WDR43: variants seen among roughly 807,000 people sequenced by gnomAD.
WDR43 encodes the protein WD repeat-containing protein 43.
A neutral mutation model predicts 91.4 loss-of-function variants in WDR43; 13 were observed. That is an observed-to-expected ratio of 0.14 (90% CI 0.09 to 0.23). The LOEUF (loss-of-function observed/expected upper bound fraction) is 0.23. WDR43 is among the 10% of genes least tolerant of loss of function. The pLI, the probability that WDR43 is intolerant of heterozygous loss-of-function variation, is 1.00. For missense variants in WDR43, 780 were observed against 809.4 expected (o/e 0.96, Z 0.44); for synonymous variants, 331 against 287.9 (o/e 1.15, Z -1.51).
Position 28,922,901 on chromosome 2 carries a change from G to C in WDR43, c.850-18G>C. On this transcript the variant is annotated intron_variant, in intron 6 of 17. Transcript: ENST00000407426. ...GTATGTTATCCATTATAATACGTTG[G>C]TTACATTTTTCTTTTAGCCTGTCAA... 6.2e-7 allele frequency: 1 copy of C among 1,605,750 alleles called. No homozygotes were observed. Among genetic ancestry groups the C allele is most frequent in the Non-Finnish European group, 8.5e-7 (1 of 1,176,582 alleles).
chr2:28,936,766 C>G (rs1671344025), intron 12 of WDR43, among the ~76,000 whole-genome samples, 156 bp from the exon 13 acceptor site: 1 of 152,136 alleles, frequency 6.6e-6, no homozygotes, highest in African/African-American at 2.4e-5. Context: ...GCTAATTACT[C>G]TGATTATGGG....
intron 15 of WDR43, among the ~76,000 whole-genome samples, 191 bp from the exon 16 acceptor site, chr2:28,942,121 A>G (rs1671448277): frequency 6.6e-6 from 1 of 152,192 alleles, no homozygotes; most frequent in African/African-American, 2.4e-5. Context: ...AGAGTTTTTC[A>G]GCTTTACAGA....
At chr2:28,907,773 G>A (rs111909819) in intron 3 of WDR43, among the ~76,000 whole-genome samples, 2 of 152,078 alleles carry the variant, frequency 1.3e-5, no homozygotes, top group African/African-American at 2.4e-5. Flanking sequence ...GCGTGGTGGC[G>A]GGCCTCTGTA....
At chr2:28,939,056 GTTT>G (rs5830096) in intron 14 of WDR43, among the ~76,000 whole-genome samples, 1 of 72,932 alleles carries the variant, frequency 1.4e-5, no homozygotes, top group Non-Finnish European at 3.6e-5. Context: ...GGTGAGAGGG[GTTT>G]TTGGGAGGTG....
chr2:28,915,901 TTTATC>T (rs750854182), intron 5 of WDR43, among the ~76,000 whole-genome samples: 1 of 152,220 alleles, frequency 6.6e-6, no homozygotes, highest in Non-Finnish European at 1.5e-5. Flanking sequence ...ACATTTATAA[TTTATC>T]AGATCAACTC....
Position 28,946,891 on chromosome 2 carries a change from A to G in WDR43, c.*112A>G. Reference sequence around the variant, plus strand: ...GACCGCTGCACATTTCCAAATTCACAGCAGTGGATCCCATGCCACTTTGCT... The same window carrying G: ...GACCGCTGCACATTTCCAAATTCACGGCAGTGGATCCCATGCCACTTTGCT... On this transcript the variant is annotated 3_prime_UTR_variant, in exon 18 of 18. Coordinates refer to ENST00000407426, the MANE Select transcript of WDR43 (RefSeq NM_015131.3). 1 of 1,266,512 alleles carries G rather than the reference A, an allele frequency of 7.9e-7. No individual in the cohort carries two copies. The highest frequency in any genetic ancestry group is 1.6e-5 in the South Asian group (1 of 62,706). The allele number at this position is 1,266,512 out of a possible 1,614,324, so 78.5% of individuals were successfully genotyped here. A position where few individuals can be genotyped will look rare whatever the true frequency, so the allele number is the denominator to read the frequency against.
chr2:28,907,612 C>CAA (rs112486794), intron 3 of WDR43, among the ~76,000 whole-genome samples: 2 of 132,592 alleles, frequency 1.5e-5, no homozygotes, highest in African/African-American at 2.8e-5. Flanking sequence ...GACGCTGTCT[C>CAA]AAAAAAAAAA....
chr2:28,918,101 G>A, intron 6 of WDR43, 106 bp downstream of exon 6: 1 of 939,070 alleles, frequency 1.1e-6, no homozygotes, highest in South Asian at 1.7e-5. Context: ...AGGACCTGAG[G>A]GAGTAACAAC....
intron 1 of WDR43, among the ~76,000 whole-genome samples, chr2:28,901,108 A>G (rs1005855111): frequency 5.3e-5 from 8 of 152,198 alleles, no homozygotes; most frequent in African/African-American, 1.9e-4. Flanking sequence ...TCTCTTTTCT[A>G]TGGTATTGGC....
intron 3 of WDR43, among the ~76,000 whole-genome samples, chr2:28,909,264 G>A (rs1572583781): frequency 6.6e-6 from 1 of 151,978 alleles, no homozygotes; most frequent in Non-Finnish European, 1.5e-5. Context: ...TCAGCTTCCC[G>A]AGTAGCTGGG....
At chr2:28,940,038 G>T (rs12465258) in intron 14 of WDR43, among the ~76,000 whole-genome samples, 38,192 of 150,212 alleles carry the variant, frequency 0.25, 6,037 homozygotes, top group East Asian at 0.77. Context: ...GTGAACCCGG[G>T]GGGGCAGAGG....
At chr2:28,918,111 C>A in intron 6 of WDR43, 116 bp downstream of exon 6, 2 of 812,114 alleles carry the variant, frequency 2.5e-6, no homozygotes, top group Non-Finnish European at 1.9e-6. Context: ...GGAGTAACAA[C>A]AAACTGTAAC....
rs537049493 is a variant in WDR43, at chr2:28,902,270, T to C, written c.363+146T>C. The stretch of plus-strand genomic sequence containing the variant: ...TCTCATCTACGTTTAAATAACTGAA[T>C]AGTAATATTTGATAAAAGCTATAAT... On this transcript the variant is annotated intron_variant, in intron 2 of 17. Transcript: ENST00000407426. 80 of 792,970 alleles carry C rather than the reference T, an allele frequency of 1.0e-4. 1 individual carries two copies. In the South Asian group the frequency reaches 2.4e-3, roughly 24 times the overall value. The allele number at this position is 792,970 out of a possible 1,614,324, so 49.1% of individuals were successfully genotyped here. A position where few individuals can be genotyped will look rare whatever the true frequency, so the allele number is the denominator to read the frequency against.
Position 28,941,443 on chromosome 2 carries a change from G to A in WDR43, c.1621-18G>A, listed in dbSNP as rs1558384759. ...CTCTAATACGTTAATAGTGCCAAAT[G>A]ATCATTTTTTTCTCTAGTTGCCTGA... On this transcript the variant is annotated intron_variant, in intron 14 of 17. Coordinates refer to ENST00000407426, the MANE Select transcript of WDR43 (RefSeq NM_015131.3). The A allele has an allele frequency of 1.3e-6, 2 of 1,590,432 alleles. No homozygotes were observed. The highest frequency in any genetic ancestry group is 3.4e-5 in the Admixed American group (2 of 58,722).
chr2:28,917,823 T>A (rs1254055189), intron 5 of WDR43, 70 bp from the exon 6 acceptor site: 1 of 1,351,734 alleles, frequency 7.4e-7, no homozygotes, highest in African/African-American at 1.5e-5. Context: ...CATGCCTCCT[T>A]AGGTGTTTGC....
chr2:28,933,625 C>A (rs1240013392), intron 11 of WDR43, among the ~76,000 whole-genome samples: 3 of 152,156 alleles, frequency 2.0e-5, no homozygotes, highest in Admixed American at 6.5e-5. Flanking sequence ...ATATTAGCAA[C>A]TCATGTTAGA....
intron 3 of WDR43, among the ~76,000 whole-genome samples, chr2:28,907,837 G>GAGCTTGTAGTGAGCCA (rs1160069392): frequency 2.0e-5 from 3 of 151,670 alleles, no homozygotes; most frequent in Non-Finnish European, 4.4e-5. Flanking sequence ...CCGGGAGGCG[G>GAGCTTGTAGTGAGCCA]AGCTTGTAGT....
At chr2:28,896,506 C>T (rs1670484405) in intron 1 of WDR43, among the ~76,000 whole-genome samples, 1 of 151,968 alleles carries the variant, frequency 6.6e-6, no homozygotes. Context: ...TGCCTTGTTT[C>T]GGGGAAAGAA....
chr2:28,927,503 A>G (rs1671162806), intron 9 of WDR43, 66 bp from the exon 10 acceptor site: 3 of 1,565,222 alleles, frequency 1.9e-6, no homozygotes, highest in African/African-American at 1.4e-5. Context: ...CTGTTTTCTC[A>G]TTGAGGATAC....
Sources: gnomAD v4.1 joint callset for allele counts (sites outside exome capture counted in the v4.1 genomes callset) on GRCh38, gnomAD v4.1.1 for gene constraint, MANE v1.5 for transcripts, NCBI Gene and HGNC (gene_info 2026-07-23, HGNC 2026-07-21) for gene names.